LHFPL3: variants seen among roughly 807,000 people sequenced by gnomAD.
LHFPL3 encodes LHFPL tetraspan subfamily member 3 protein.
Under a neutral mutation model 19.3 loss-of-function variants are expected in LHFPL3, and 5 were observed. The ratio of observed to expected loss-of-function variants is 0.26; its 90% CI spans 0.14 to 0.54. The LOEUF (loss-of-function observed/expected upper bound fraction) is 0.54, where lower values mean the gene tolerates loss of function less well. Among genes scored for constraint, LHFPL3 ranks in the 20% least tolerant of loss-of-function variants. The pLI is 0.94. For synonymous variants in LHFPL3, 133 were observed against 126.2 expected, an observed-to-expected ratio of 1.05 and a Z score of -0.36; for missense variants, 249 against 307.4, an observed-to-expected ratio of 0.81 and a Z score of 1.42.
At chr7:104,597,706 T>G (rs1790890489) in intron 1 of LHFPL3, among the ~76,000 whole-genome samples, 1 of 152,242 alleles carries the variant, frequency 6.6e-6, no homozygotes. Flanking sequence ...AATCAATATA[T>G]GCAACTGCTT....
chr7:104,811,247 T>G (rs1164424094), intron 2 of LHFPL3, among the ~76,000 whole-genome samples: 1 of 151,676 alleles, frequency 6.6e-6, no homozygotes, highest in Non-Finnish European at 1.5e-5. Context: ...CAGGAGGGAG[T>G]GCAGTGGCGC....
At chr7:104,461,045 A>G (rs1463297601) in intron 1 of LHFPL3, among the ~76,000 whole-genome samples, 1 of 152,194 alleles carries the variant, frequency 6.6e-6, no homozygotes, top group African/African-American at 2.4e-5. Flanking sequence ...AGAGTGGGTA[A>G]TTTATAAAGA....
intron 1 of LHFPL3, among the ~76,000 whole-genome samples, chr7:104,724,413 C>CT (rs1377217063): frequency 2.0e-5 from 3 of 152,162 alleles, no homozygotes; most frequent in Non-Finnish European, 4.4e-5. Context: ...AATAAAACTT[C>CT]TGTTATGCAA....
At chr7:104,807,601 T>G (rs1790388066) in intron 2 of LHFPL3, among the ~76,000 whole-genome samples, 1 of 152,232 alleles carries the variant, frequency 6.6e-6, no homozygotes, top group Admixed American at 6.5e-5. Flanking sequence ...GCCCAATGCC[T>G]GTACCATAAC....
At chr7:104,434,452 G>T (rs1192662833) in intron 1 of LHFPL3, among the ~76,000 whole-genome samples, 1 of 152,194 alleles carries the variant, frequency 6.6e-6, no homozygotes. Context: ...TTTGAAGGGG[G>T]TCTAGGATAC....
chr7:104,773,607 G>C (rs537242110), intron 2 of LHFPL3, among the ~76,000 whole-genome samples: 23 of 152,282 alleles, frequency 1.5e-4, no homozygotes, highest in African/African-American at 5.5e-4. Context: ...CCCTTACCTG[G>C]AAATAGGGTT....
intron 2 of LHFPL3, among the ~76,000 whole-genome samples, chr7:104,759,976 G>A (rs899380212): frequency 4.6e-5 from 7 of 152,298 alleles, no homozygotes; most frequent in Non-Finnish European, 5.9e-5. Flanking sequence ...TTGTATTATC[G>A]TCGCTCCTCA....
chr7:104,359,236 A>G (rs1350868475), intron 1 of LHFPL3, among the ~76,000 whole-genome samples: 1 of 152,256 alleles, frequency 6.6e-6, no homozygotes, highest in East Asian at 1.9e-4. Flanking sequence ...TAGAAGCAAC[A>G]TTAAATATTT....
intron 2 of LHFPL3, among the ~76,000 whole-genome samples, chr7:104,875,514 T>C (rs1221882204): frequency 6.6e-6 from 1 of 152,202 alleles, no homozygotes; most frequent in Non-Finnish European, 1.5e-5. Context: ...ATTACTTGAC[T>C]GACGATAGTG....
rs1439737690 is a variant in LHFPL3 at position 104,797,403 on chromosome 7, T to C, written c.682+60492T>C. On this transcript the variant is annotated intron_variant, in intron 2 of 2. Transcript: ENST00000424859. Reference sequence around the variant, plus strand: ...CAGGCTAGAAACTTTAATGGCCAAATGAGGCCTCCTTAGCTATCTTTAGTT... The same window carrying C: ...CAGGCTAGAAACTTTAATGGCCAAACGAGGCCTCCTTAGCTATCTTTAGTT... 2.6e-5 allele frequency among the ~76,000 whole-genome samples: 4 copies of C among 152,080 alleles called. No homozygotes were observed. In the East Asian group the frequency reaches 7.7e-4, roughly 29 times the overall value.
intron 2 of LHFPL3, among the ~76,000 whole-genome samples, chr7:104,842,651 C>T (rs1030595881): frequency 3.9e-5 from 6 of 152,146 alleles, no homozygotes; most frequent in Non-Finnish European, 8.8e-5. Flanking sequence ...TGTTGTGGAA[C>T]CAAATGCAAG....
At position 104,341,021 on chromosome 7, in the gene LHFPL3, G is replaced by A. The variant is rs180999416; in HGVS notation, c.445+11797G>A. On this transcript the variant is annotated intron_variant, in intron 1 of 2. Transcript: ENST00000424859. ...AAATGGTAGAGAAATATTATCAGCT[G>A]TTACCCAAATTATTTCCTCTTCACA... is the stretch of plus-strand genomic sequence containing the variant. Among the ~76,000 whole-genome samples, 15 of 152,256 alleles carry A rather than the reference G, an allele frequency of 9.9e-5. No individual in the cohort carries two copies. The South Asian group carries it at 2.3e-3, about 23-fold the overall frequency.
intron 1 of LHFPL3, among the ~76,000 whole-genome samples, chr7:104,499,093 G>T (rs958279038): frequency 6.6e-6 from 1 of 152,106 alleles, no homozygotes; most frequent in Non-Finnish European, 1.5e-5. Context: ...AAAAGTAATG[G>T]CACAGTATAT....
chr7:104,826,870 T>TA lies in LHFPL3; in HGVS notation c.683-79307dup, dbSNP rs572170599. 4.2e-3 allele frequency: 620 copies of TA among 147,074 alleles called. 15 individuals are homozygous for TA. The East Asian group carries it at 0.059, about 14-fold the overall frequency. 9.1% of individuals were successfully genotyped at this position (147,074 alleles called of 1,614,324 possible). ...CTCCTTTTTTACCTTGGCTCTGACA[T>TA]AAAAAAAAAAGAAGGTATTTTTTAA... On this transcript the variant is annotated intron_variant, in intron 2 of 2. Transcript: ENST00000424859.
At position 104,767,962 on chromosome 7, in the gene LHFPL3, G is replaced by T. The variant is rs79145080; in HGVS notation, c.682+31051G>T. On this transcript the variant is annotated intron_variant, in intron 2 of 2. Coordinates refer to ENST00000424859, the MANE Select transcript of LHFPL3 (RefSeq NM_199000.3). Reference sequence around the variant, plus strand: ...GCCTAAAAGCAAATATTTCCAGACTGTTTTCTATCCTCTCATCCTCATCAC... The same window carrying T: ...GCCTAAAAGCAAATATTTCCAGACTTTTTTCTATCCTCTCATCCTCATCAC... Among the ~76,000 whole-genome samples the T allele has an allele frequency of 1.3e-3, 202 of 152,214 alleles. 1 individual carries two copies. The East Asian group carries it at 0.022, about 17-fold the overall frequency.
chr7:104,603,538 G>T (rs1441296352), intron 1 of LHFPL3, among the ~76,000 whole-genome samples: 3 of 152,094 alleles, frequency 2.0e-5, no homozygotes, highest in African/African-American at 7.2e-5. Context: ...CAACTCAAAA[G>T]CTCAAAGTCC....
chr7:104,797,433 A>G (rs1270686584), intron 2 of LHFPL3, among the ~76,000 whole-genome samples: 1 of 152,152 alleles, frequency 6.6e-6, no homozygotes. Flanking sequence ...TTAGTTCTGC[A>G]TTAGAGACTA....
chr7:104,791,469 T>C (rs565299679), intron 2 of LHFPL3, among the ~76,000 whole-genome samples: 1 of 152,244 alleles, frequency 6.6e-6, no homozygotes, highest in East Asian at 1.9e-4. Flanking sequence ...CTTCTTGATA[T>C]TTTTAGCCTC....
intron 2 of LHFPL3, among the ~76,000 whole-genome samples, chr7:104,903,426 C>T (rs1271143976): frequency 6.6e-6 from 1 of 151,764 alleles, no homozygotes. Flanking sequence ...ACATAGATGG[C>T]CCTCTGTGGT....
Sources: gnomAD v4.1 joint callset for allele counts (sites outside exome capture counted in the v4.1 genomes callset) on GRCh38, gnomAD v4.1.1 for gene constraint, MANE v1.5 for transcripts, NCBI Gene and HGNC (gene_info 2026-07-23, HGNC 2026-07-21) for gene names.